Variants in ZNF385D observed in about 807,000 individuals in gnomAD.
ZNF385D encodes zinc finger protein 385D, also known as zinc finger protein 659.
ZNF385D carries 15 observed loss-of-function variants against 35.8 expected under a neutral mutation model. The observed-to-expected ratio is 0.42, with a 90% CI of 0.28 to 0.64. ZNF385D has a LOEUF of 0.64. Ranked by LOEUF, ZNF385D falls within the 30% of genes least tolerant of loss-of-function variation. The probability of loss-of-function intolerance (pLI) is 0.23; values close to 1 mark genes in which losing one functional copy is unlikely to be tolerated. For missense variants in ZNF385D, 474 were observed against 494.6 expected (o/e 0.96, Z 0.39); for synonymous variants, 212 against 186.8 (o/e 1.13, Z -1.10).
chr3:22,242,256 A>G (rs949297885), intron 2 of ZNF385D, among the ~76,000 whole-genome samples: 1 of 151,222 alleles, frequency 6.6e-6, no homozygotes, highest in Non-Finnish European at 1.5e-5. Flanking sequence ...CCACTCCCTA[A>G]GAAGGTGATT....
rs115645920 is a variant in ZNF385D, at chr3:21,899,208, G to T, written c.326-234180C>A. 7.3e-3 allele frequency among the ~76,000 whole-genome samples: 1,111 copies of T among 151,926 alleles called. 9 individuals carry two copies. The highest frequency in any genetic ancestry group is 0.025 in the African/African-American group (1,047 of 41,336). On this transcript the variant is annotated intron_variant, in intron 3 of 5. Transcript: ENST00000494108. ...TACGTGCTACAATGCCCAGGACAGT[G>T]CCCTATGACAAAAAATTATCTGGCC...
chr3:21,660,808 T>C (rs184486072), intron 2 of ZNF385D, among the ~76,000 whole-genome samples: 18 of 152,334 alleles, frequency 1.2e-4, no homozygotes, highest in African/African-American at 3.8e-4. Context: ...AGTTATTTTA[T>C]TGTACAGGAC....
intron 3 of ZNF385D, among the ~76,000 whole-genome samples, chr3:21,988,670 G>A (rs1694960515): frequency 1.3e-5 from 2 of 151,648 alleles, no homozygotes; most frequent in African/African-American, 4.8e-5. Context: ...AGGCAGGCAG[G>A]CCTCCTTGAG....
intron 3 of ZNF385D, among the ~76,000 whole-genome samples, chr3:21,936,517 C>G (rs955842991): frequency 6.6e-6 from 1 of 151,898 alleles, no homozygotes; most frequent in Non-Finnish European, 1.5e-5. Context: ...TCTTTTGTAA[C>G]TTTCTCATGG....
rs116535194 is a variant in ZNF385D, at chr3:21,952,134, G to A, written c.325+216683C>T. On this transcript the variant is annotated intron_variant, in intron 3 of 5. Transcript: ENST00000494108. ...AATGTTGCCTTCAATTGTTATATGT[G>A]ATGTAAATATGATGTAGTAACTATG... Among the ~76,000 whole-genome samples the A allele has an allele frequency of 6.4e-3, 952 of 148,730 alleles. 36 individuals are homozygous for A. The highest frequency in any genetic ancestry group is 0.024 in the African/African-American group (910 of 38,448).
chr3:22,323,731 G>T (rs1034998796), intron 2 of ZNF385D, among the ~76,000 whole-genome samples: 6 of 152,122 alleles, frequency 3.9e-5, no homozygotes, highest in Non-Finnish European at 7.4e-5. Context: ...GCTTTATTAT[G>T]TACTTAAAAT....
At chr3:22,336,523 A>T (rs996436459) in intron 2 of ZNF385D, among the ~76,000 whole-genome samples, 22 of 152,072 alleles carry the variant, frequency 1.4e-4, no homozygotes, top group African/African-American at 5.3e-4. Context: ...TATTATTTTC[A>T]AAAGTTAAGC....
intron 3 of ZNF385D, among the ~76,000 whole-genome samples, chr3:22,005,847 T>C (rs1696167031): frequency 6.6e-6 from 1 of 152,100 alleles, no homozygotes; most frequent in Non-Finnish European, 1.5e-5. Context: ...GAAATGTGAA[T>C]GAGCTTTAGA....
intron 3 of ZNF385D, among the ~76,000 whole-genome samples, chr3:22,042,860 A>G (rs1305547885): frequency 6.6e-6 from 1 of 152,212 alleles, no homozygotes; most frequent in Non-Finnish European, 1.5e-5. Context: ...GATCACAGAC[A>G]TATGTCAAAG....
chr3:21,693,563 C>G (rs560830982), intron 1 of ZNF385D, among the ~76,000 whole-genome samples: 243 of 152,294 alleles, frequency 1.6e-3, no homozygotes, highest in African/African-American at 5.7e-3. Flanking sequence ...GCCACTTGAC[C>G]TCCTTGGGTT....
intron 3 of ZNF385D, among the ~76,000 whole-genome samples, chr3:21,554,584 A>G (rs1012017089): frequency 1.3e-5 from 2 of 152,156 alleles, no homozygotes; most frequent in African/African-American, 4.8e-5. Context: ...TGAAGCATTA[A>G]AGCCAGACAT....
intron 1 of ZNF385D, among the ~76,000 whole-genome samples, chr3:21,711,511 G>T (rs2068107966): frequency 6.6e-6 from 1 of 151,980 alleles, no homozygotes; most frequent in Admixed American, 6.6e-5. Flanking sequence ...GTAATTAAAC[G>T]ACAATTCTGT....
intron 3 of ZNF385D, among the ~76,000 whole-genome samples, chr3:21,944,737 G>C (rs1183385401): frequency 1.4e-5 from 2 of 140,238 alleles, no homozygotes; most frequent in African/African-American, 2.7e-5. Flanking sequence ...TGGGATGAGA[G>C]AGGAGAAAAA....
At chr3:22,030,322 G>C (rs1379443951) in intron 3 of ZNF385D, among the ~76,000 whole-genome samples, 1 of 82,150 alleles carries the variant, frequency 1.2e-5, no homozygotes, top group Non-Finnish European at 2.2e-5. Flanking sequence ...TCCATCCCTC[G>C]AAGAGAACTC....
At chr3:21,999,534 G>A (rs1215942936) in intron 3 of ZNF385D, among the ~76,000 whole-genome samples, 1 of 152,056 alleles carries the variant, frequency 6.6e-6, no homozygotes, top group Admixed American at 6.5e-5. Flanking sequence ...TAACTTCACT[G>A]TATTATTCTC....
At chr3:21,455,662 G>C (rs1702758989) in intron 4 of ZNF385D, among the ~76,000 whole-genome samples, 2 of 152,140 alleles carry the variant, frequency 1.3e-5, no homozygotes, top group Non-Finnish European at 2.9e-5. Flanking sequence ...ATACCATTCA[G>C]GACATAGGCA....
chr3:22,040,632 G>C (rs1264280120), intron 3 of ZNF385D, among the ~76,000 whole-genome samples: 1 of 152,116 alleles, frequency 6.6e-6, no homozygotes, highest in Non-Finnish European at 1.5e-5. Context: ...ATGCTTTTTG[G>C]ACATGGTAAA....
chr3:22,038,085 G>T (rs1298234904), intron 3 of ZNF385D, among the ~76,000 whole-genome samples: 1 of 152,220 alleles, frequency 6.6e-6, no homozygotes, highest in South Asian at 2.1e-4. Flanking sequence ...ATTCAAGATG[G>T]ATTAAAGACT....
chr3:21,803,231 T>C (rs1351430135), intron 3 of ZNF385D, among the ~76,000 whole-genome samples: 1 of 152,078 alleles, frequency 6.6e-6, no homozygotes, highest in East Asian at 1.9e-4. Context: ...GGTGGCACCT[T>C]AGAATCAAAG....
Sources: gnomAD v4.1 joint callset for allele counts (sites outside exome capture counted in the v4.1 genomes callset) on GRCh38, gnomAD v4.1.1 for gene constraint, MANE v1.5 for transcripts, NCBI Gene and HGNC (gene_info 2026-07-23, HGNC 2026-07-21) for gene names.